The following NKAIN2 variants were observed in gnomAD, a reference collection of about 807,000 sequenced individuals.
The protein encoded by NKAIN2 is sodium/potassium transporting ATPase interacting 2.
NKAIN2 carries 14 observed loss-of-function variants against 32.6 expected under a neutral mutation model. The ratio of observed to expected loss-of-function variants is 0.43; its 90% CI spans 0.28 to 0.67. NKAIN2 has a LOEUF of 0.67. NKAIN2 is among the 30% of genes least tolerant of loss of function. The pLI is 0.17. For synonymous variants in NKAIN2, 80 were observed against 87.2 expected (o/e 0.92, Z 0.46); for missense variants, 198 against 258.3 (o/e 0.77, Z 1.60).
chr6:124,714,041 C>T (rs1282775357), intron 4 of NKAIN2, among the ~76,000 whole-genome samples: 1 of 152,326 alleles, frequency 6.6e-6, no homozygotes, highest in African/African-American at 2.4e-5. Context: ...CTGAATGCGT[C>T]CTTTCTGTCA....
intron 1 of NKAIN2, among the ~76,000 whole-genome samples, chr6:123,997,752 T>C (rs900815494): frequency 6.6e-6 from 1 of 151,650 alleles, no homozygotes; most frequent in Non-Finnish European, 1.5e-5. Context: ...TACAGGCGCC[T>C]GCCACCACGC....
intron 5 of NKAIN2, among the ~76,000 whole-genome samples, chr6:124,817,261 C>A (rs1781206661): frequency 6.6e-6 from 1 of 151,742 alleles, no homozygotes; most frequent in African/African-American, 2.4e-5. Context: ...TTTTGGCTCA[C>A]CAGCTATCGT....
chr6:124,357,578 T>C (rs1158065292), intron 3 of NKAIN2, among the ~76,000 whole-genome samples: 1 of 152,142 alleles, frequency 6.6e-6, no homozygotes, highest in African/African-American at 2.4e-5. Flanking sequence ...TCAGTTAGTT[T>C]GAGGCTGAGG....
intron 1 of NKAIN2, among the ~76,000 whole-genome samples, chr6:123,875,029 A>G (rs1487870650): frequency 2.0e-5 from 3 of 152,026 alleles, no homozygotes; most frequent in South Asian, 4.2e-4. Context: ...CGACTTTTCC[A>G]TATTATTATA....
chr6:124,676,100 G>A (rs1773343054), intron 4 of NKAIN2, among the ~76,000 whole-genome samples: 1 of 152,050 alleles, frequency 6.6e-6, no homozygotes, highest in Non-Finnish European at 1.5e-5. Context: ...GTTCGAGAAT[G>A]TATTGCTTAA....
intron 3 of NKAIN2, among the ~76,000 whole-genome samples, chr6:124,628,379 A>T (rs760723060): frequency 6.6e-6 from 1 of 152,110 alleles, no homozygotes; most frequent in African/African-American, 2.4e-5. Context: ...GGCTATGATC[A>T]TGTCTTAGTT....
intron 2 of NKAIN2, among the ~76,000 whole-genome samples, chr6:124,289,421 A>T (rs1795700561): frequency 6.6e-6 from 1 of 151,694 alleles, no homozygotes; most frequent in South Asian, 2.1e-4. Context: ...ATGGTAAAGG[A>T]TCCCCATGGC....
intron 1 of NKAIN2, among the ~76,000 whole-genome samples, chr6:124,262,271 T>TTGG (rs1794289163): frequency 2.0e-5 from 3 of 152,276 alleles, no homozygotes; most frequent in Admixed American, 6.5e-5. Context: ...CAAATTCCAT[T>TTGG]GCCGTCCTGG....
chr6:123,892,054 G>A (rs1774043750), intron 1 of NKAIN2, among the ~76,000 whole-genome samples: 1 of 152,158 alleles, frequency 6.6e-6, no homozygotes, highest in East Asian at 1.9e-4. Context: ...GAACCTGGAA[G>A]AGAGAGAAAA....
chr6:124,413,900 C>G (rs1488308224), intron 3 of NKAIN2, among the ~76,000 whole-genome samples: 1 of 152,006 alleles, frequency 6.6e-6, no homozygotes, highest in East Asian at 1.9e-4. Flanking sequence ...ACATACTAAA[C>G]TCATTTATTA....
At chr6:124,162,453 G>T (rs1321354336) in intron 1 of NKAIN2, among the ~76,000 whole-genome samples, 2 of 152,086 alleles carry the variant, frequency 1.3e-5, no homozygotes, top group African/African-American at 2.4e-5. Context: ...TAGAAAAATT[G>T]GCACAGATAT....
intron 1 of NKAIN2, among the ~76,000 whole-genome samples, chr6:124,147,899 T>A (rs2114372736): frequency 6.6e-6 from 1 of 152,286 alleles, no homozygotes; most frequent in African/African-American, 2.4e-5. Flanking sequence ...GGACCATGGA[T>A]ATTTAGAGTA....
At chr6:124,594,741 G>A (rs1385360614) in intron 3 of NKAIN2, among the ~76,000 whole-genome samples, 1 of 152,074 alleles carries the variant, frequency 6.6e-6, no homozygotes, top group Non-Finnish European at 1.5e-5. Flanking sequence ...TATATATGGA[G>A]GAGCAAGAGA....
intron 1 of NKAIN2, among the ~76,000 whole-genome samples, chr6:124,224,015 T>C (rs1168479531): frequency 1.3e-5 from 2 of 152,100 alleles, no homozygotes; most frequent in East Asian, 1.9e-4. Flanking sequence ...ACTTAAGGAA[T>C]GTGGGATTTC....
intron 1 of NKAIN2, among the ~76,000 whole-genome samples, chr6:123,927,714 C>G (rs973702679): frequency 6.6e-6 from 1 of 152,188 alleles, no homozygotes; most frequent in African/African-American, 2.4e-5. Flanking sequence ...TCTTGTAGTT[C>G]TGCTATTCTT....
chr6:124,268,086 C>A (rs1794585822), intron 1 of NKAIN2, among the ~76,000 whole-genome samples: 1 of 152,010 alleles, frequency 6.6e-6, no homozygotes, highest in Non-Finnish European at 1.5e-5. Context: ...ATAATTAAAT[C>A]ATGTAATAAC....
intron 3 of NKAIN2, among the ~76,000 whole-genome samples, chr6:124,604,915 A>G (rs368505436): frequency 1.2e-4 from 19 of 152,132 alleles, no homozygotes; most frequent in African/African-American, 4.1e-4. Flanking sequence ...CTCCATCCCA[A>G]ATAGCTCCTG....
intron 1 of NKAIN2, among the ~76,000 whole-genome samples, chr6:124,278,574 T>C (rs1386364908): frequency 6.9e-6 from 1 of 145,616 alleles, no homozygotes; most frequent in Non-Finnish European, 1.5e-5. Flanking sequence ...GTTTTCCAGC[T>C]CATATAATAG....
intron 3 of NKAIN2, among the ~76,000 whole-genome samples, chr6:124,656,713 C>T (rs570197152): frequency 6.6e-6 from 1 of 152,118 alleles, no homozygotes; most frequent in Non-Finnish European, 1.5e-5. Flanking sequence ...CACCCCCCTA[C>T]CCACCAGTCT....
Sources: gnomAD v4.1 joint callset for allele counts (sites outside exome capture counted in the v4.1 genomes callset) on GRCh38, gnomAD v4.1.1 for gene constraint, MANE v1.5 for transcripts, NCBI Gene and HGNC (gene_info 2026-07-23, HGNC 2026-07-21) for gene names.